Variants in SLC22A14 observed in about 807,000 individuals in gnomAD.
SLC22A14 encodes the protein organic cation transporter-like 4.
SLC22A14 carries 50 observed loss-of-function variants against 53.9 expected under a neutral mutation model. The ratio of observed to expected loss-of-function variants is 0.93; its 90% confidence interval spans 0.74 to 1.17. The LOEUF (loss-of-function observed/expected upper bound fraction) is 1.17, where lower values mean the gene tolerates loss of function less well. SLC22A14 is among the 50% of genes most tolerant of loss of function. The pLI, the probability that SLC22A14 is intolerant of heterozygous loss-of-function variation, is 0.00. For synonymous variants in SLC22A14, 312 were observed against 303.0 expected (o/e 1.03, Z -0.31); for missense variants, 671 against 734.7 (o/e 0.91, Z 1.00).
chr3:38,307,644 C>A lies in SLC22A14; in HGVS notation c.699C>A (p.Ser233Arg). Residue 233 changes from serine (S) to arginine (R), a missense_variant, in exon 4 of 11, where the codon AGC becomes AGA. By Grantham distance (110) the Ser-to-Arg change is moderately radical. Transcript: ENST00000448498. This position sits in a 1 kb window ranked among gnomAD's most constrained non-coding sequence, Gnocchi z 4.4. ...GCTTTGGGACAGCCTTCATGAACAG[C>A]TTTCACCTGTATTTGTTCTTTCGCT... is the stretch of plus-strand genomic sequence containing the variant. ...IFGFGTAFMN[S>R]FHLYLFFRFG... 1 of 1,614,124 alleles carries A rather than the reference C, an allele frequency of 6.2e-7. No homozygotes were observed. Among genetic ancestry groups the A allele is most frequent in the Non-Finnish European group, 8.5e-7 (1 of 1,179,952 alleles).
intron 1 of SLC22A14, among the ~76,000 whole-genome samples, chr3:38,291,478 A>G (rs1703912687): frequency 6.6e-6 from 1 of 152,232 alleles, no homozygotes; most frequent in South Asian, 2.1e-4. Context: ...CTCCTTTAGC[A>G]GTGAGTATGC....
chr3:38,286,655 A>C (rs1575399882), intron 1 of SLC22A14, among the ~76,000 whole-genome samples: 1 of 150,474 alleles, frequency 6.6e-6, no homozygotes. Flanking sequence ...AGGTGATTCC[A>C]CCCACCTCGA....
intron 1 of SLC22A14, among the ~76,000 whole-genome samples, chr3:38,293,256 G>A (rs1211900426): frequency 6.6e-6 from 1 of 152,148 alleles, no homozygotes; most frequent in Non-Finnish European, 1.5e-5. Flanking sequence ...AAGTGTTCTT[G>A]TAGACCACAC....
chr3:38,316,185 A>G (rs1217193874), intron 9 of SLC22A14, 139 bp from the exon 10 acceptor site: 5 of 738,918 alleles, frequency 6.8e-6, no homozygotes, highest in Non-Finnish European at 1.1e-5. Flanking sequence ...CCCAGAAGAA[A>G]TTATTGCCTA....
rs779826305 is a variant in SLC22A14, at chr3:38,307,629, A to G, written c.684A>G (p.Thr228=). The change falls in exon 4 of 11, where the codon ACA becomes ACG. Residue 228 remains threonine (T), a synonymous_variant. Coordinates refer to ENST00000448498, the MANE Select transcript of SLC22A14 (RefSeq NM_001320033.2). The surrounding 1 kb of genome is among the most constrained non-coding windows in gnomAD (Gnocchi z 4.4). ...LLGLIIFGFG[T]AFMNSFHLYL... is the part of the protein sequence containing the mutation. Reference sequence around the variant, plus strand: ...GGCTGATCATCTTCGGCTTTGGGACAGCCTTCATGAACAGCTTTCACCTGT... The same window carrying G: ...GGCTGATCATCTTCGGCTTTGGGACGGCCTTCATGAACAGCTTTCACCTGT... 9 of 1,614,204 alleles carry G rather than the reference A, an allele frequency of 5.6e-6. No homozygotes were observed. The highest frequency in any genetic ancestry group is 7.6e-6 in the Non-Finnish European group (9 of 1,180,028).
In SLC22A14 at chr3:38,309,067, C is replaced by T. The variant is rs754478442; in HGVS notation, c.889C>T (p.Gln297Ter). Reference sequence around the variant, plus strand: ...GATCGCCTACAGTCTTCCCCACTGGCAGCTGCTGTTTCTGGTGGGTGGGAT... The same window carrying T: ...GATCGCCTACAGTCTTCCCCACTGGTAGCTGCTGTTTCTGGTGGGTGGGAT... ...TGIAYSLPHW[Q>*]LLFLVGGILV... is the part of the protein sequence containing the mutation. Residue 297 changes from glutamine to a stop codon, truncating the protein, a stop_gained, in exon 5 of 11, where the codon CAG becomes TAG. Transcript: ENST00000448498. LOFTEE classifies it high-confidence loss of function. 27 of 1,613,952 alleles carry T rather than the reference C, an allele frequency of 1.7e-5. No individual in the cohort carries two copies. The highest frequency in any genetic ancestry group is 2.2e-5 in the Non-Finnish European group (26 of 1,179,902).
intron 1 of SLC22A14, among the ~76,000 whole-genome samples, chr3:38,283,704 C>T (rs187188657): frequency 3.9e-5 from 6 of 152,248 alleles, no homozygotes; most frequent in Non-Finnish European, 7.4e-5. Context: ...GTGGCTTGCA[C>T]CTGTAGTACC....
At chr3:38,316,561 G>A (rs1379895308) in intron 10 of SLC22A14, 37 bp downstream of exon 10, 1 of 1,588,534 alleles carries the variant, frequency 6.3e-7, no homozygotes, top group Admixed American at 1.7e-5. Context: ...GCCAGCACGG[G>A]GCCTGGCTCT....
chr3:38,300,488 G>A lies in SLC22A14; in HGVS notation c.1-5539G>A, dbSNP rs1446752123. Reference sequence around the variant, plus strand: ...CTGCTACAATTTATTGCAACAAAAGGGTACAATGCAAGGTCAATAAAGGGA... The same window carrying A: ...CTGCTACAATTTATTGCAACAAAAGAGTACAATGCAAGGTCAATAAAGGGA... On this transcript the variant is annotated intron_variant, in intron 1 of 10. Coordinates refer to ENST00000448498, the MANE Select transcript of SLC22A14 (RefSeq NM_001320033.2). Among the ~76,000 whole-genome samples the A allele has an allele frequency of 2.0e-5, 3 of 152,160 alleles. No homozygotes were observed. The South Asian group carries it at 6.2e-4, about 32-fold the overall frequency.
upstream of SLC22A14, among the ~76,000 whole-genome samples, chr3:38,278,955 G>A (rs1237853551): frequency 1.3e-5 from 2 of 151,886 alleles, no homozygotes; most frequent in African/African-American, 4.8e-5. Context: ...ATGGTAGATA[G>A]AAAAAGAGCT....
chr3:38,313,654 G>T, intron 7 of SLC22A14, 73 bp from the exon 8 acceptor site: 1 of 907,972 alleles, frequency 1.1e-6, no homozygotes. Context: ...TTGCTGCTCT[G>T]CCTCTGTCTT....
chr3:38,285,490 A>G (rs1703772284), intron 1 of SLC22A14, among the ~76,000 whole-genome samples: 1 of 152,218 alleles, frequency 6.6e-6, no homozygotes, highest in East Asian at 1.9e-4. Context: ...GTTTTATTGC[A>G]TGACATACTG....
intron 1 of SLC22A14, among the ~76,000 whole-genome samples, chr3:38,286,223 CAA>C (rs1218803233): frequency 6.6e-6 from 1 of 152,098 alleles, no homozygotes; most frequent in African/African-American, 2.4e-5. Context: ...GCCCAGGCAA[CAA>C]GAGCAAAACT....
chr3:38,298,792 G>A (rs1295657762), intron 1 of SLC22A14, among the ~76,000 whole-genome samples: 1 of 152,152 alleles, frequency 6.6e-6, no homozygotes, highest in African/African-American at 2.4e-5. Context: ...CTGACCTCAG[G>A]TGATCCACCT....
intron 1 of SLC22A14, among the ~76,000 whole-genome samples, chr3:38,290,214 G>A (rs1286369359): frequency 1.3e-5 from 2 of 152,286 alleles, no homozygotes; most frequent in South Asian, 2.1e-4. Context: ...AAGTGCTGTT[G>A]GGGAGGTTGG....
At chr3:38,314,474 G>T (rs1407275382) in intron 8 of SLC22A14, among the ~76,000 whole-genome samples, 1 of 152,226 alleles carries the variant, frequency 6.6e-6, no homozygotes, top group Non-Finnish European at 1.5e-5. Context: ...ATTCCTGCTG[G>T]CTTAGCACTA....
chr3:38,314,923 C>G (rs1012959918), intron 8 of SLC22A14, among the ~76,000 whole-genome samples: 1 of 152,216 alleles, frequency 6.6e-6, no homozygotes, highest in Non-Finnish European at 1.5e-5. Flanking sequence ...ATCCCAGAGA[C>G]AAGAAAAGCC....
chr3:38,281,909 G>A (rs1016581097), upstream of SLC22A14, among the ~76,000 whole-genome samples: 1 of 152,208 alleles, frequency 6.6e-6, no homozygotes, highest in Non-Finnish European at 1.5e-5. Context: ...GCTTATGGGG[G>A]AGATGGGTCA....
At chr3:38,306,879 G>A (rs925182418) in intron 2 of SLC22A14, among the ~76,000 whole-genome samples, 19 of 152,200 alleles carry the variant, frequency 1.2e-4, no homozygotes, top group Non-Finnish European at 1.9e-4. Flanking sequence ...CTCTTACGGG[G>A]CTTCCCAACC....
Sources: gnomAD v4.1 joint callset for allele counts (sites outside exome capture counted in the v4.1 genomes callset) on GRCh38, gnomAD v4.1.1 for gene constraint, Gnocchi (gnomAD v3.1) non-coding constraint, MANE v1.5 for transcripts, NCBI Gene and HGNC (gene_info 2026-07-23, HGNC 2026-07-21) for gene names.